The following PTK2 variants were observed in gnomAD, a reference collection of about 807,000 sequenced individuals.
PTK2 encodes focal adhesion kinase 1.
A neutral mutation model predicts 150.1 loss-of-function variants in PTK2; 45 were observed. The observed-to-expected ratio is 0.30, with a 90% CI of 0.24 to 0.38. The LOEUF is 0.38. Among genes scored for constraint, PTK2 ranks in the 10% least tolerant of loss-of-function variants. The probability of loss-of-function intolerance (pLI) is 1.00; values close to 1 mark genes in which losing one functional copy is unlikely to be tolerated. For synonymous variants in PTK2, 432 were observed against 449.2 expected (o/e 0.96, Z 0.48); for missense variants, 919 against 1,307.3 (o/e 0.70, Z 4.58).
intron 31 of PTK2, among the ~76,000 whole-genome samples, chr8:140,660,428 T>A (rs946734783): frequency 2.6e-5 from 4 of 152,074 alleles, no homozygotes; most frequent in African/African-American, 9.7e-5. Context: ...CAAAAAATGG[T>A]TTAAGGATGG....
chr8:140,677,562 T>C (rs894198005), intron 27 of PTK2, among the ~76,000 whole-genome samples: 1 of 152,260 alleles, frequency 6.6e-6, no homozygotes, highest in African/African-American at 2.4e-5. Context: ...AACTGGCTAA[T>C]AGATATAACC....
At chr8:140,829,712 G>GT (rs983274138) in intron 8 of PTK2, among the ~76,000 whole-genome samples, 3 of 152,066 alleles carry the variant, frequency 2.0e-5, no homozygotes, top group African/African-American at 7.2e-5. Context: ...AGGTACTGTG[G>GT]TAAGTAATAT....
At chr8:140,819,116 T>C (rs2100106632) in intron 8 of PTK2, 96 bp from the exon 9 acceptor site, 1 of 1,232,262 alleles carries the variant, frequency 8.1e-7, no homozygotes, top group Non-Finnish European at 1.1e-6. Flanking sequence ...AACTACTTAC[T>C]AACACCTACA....
intron 8 of PTK2, among the ~76,000 whole-genome samples, chr8:140,829,675 C>T (rs2100114133): frequency 6.6e-6 from 1 of 152,062 alleles, no homozygotes; most frequent in Admixed American, 6.6e-5. Flanking sequence ...AAAGTAAGAG[C>T]AGTAACATCC....
intron 1 of PTK2, among the ~76,000 whole-genome samples, chr8:140,989,482 A>G (rs2100194797): frequency 6.6e-6 from 1 of 151,926 alleles, no homozygotes; most frequent in African/African-American, 2.4e-5. Context: ...ATAAACCAAC[A>G]AAGGACTTGG....
At chr8:140,685,620 C>A (rs2100019350) in intron 27 of PTK2, among the ~76,000 whole-genome samples, 1 of 151,946 alleles carries the variant, frequency 6.6e-6, no homozygotes, top group African/African-American at 2.4e-5. Context: ...TAAACATGGC[C>A]AACAAGCATA....
intron 13 of PTK2, among the ~76,000 whole-genome samples, chr8:140,790,829 A>G (rs758274267): frequency 1.3e-4 from 20 of 152,216 alleles, no homozygotes; most frequent in Non-Finnish European, 2.5e-4. Flanking sequence ...ATTTATCACA[A>G]CTTATCTTTG....
intron 14 of PTK2, among the ~76,000 whole-genome samples, chr8:140,780,120 C>T (rs1046330063): frequency 6.6e-6 from 1 of 152,192 alleles, no homozygotes; most frequent in Non-Finnish European, 1.5e-5. Context: ...GAGAAGCCTG[C>T]TCCCGAGGGT....
chr8:140,692,127 TGTG>T lies in PTK2; in HGVS notation c.2500-5436_2500-5434del, dbSNP rs199794201. 9.3e-3 allele frequency among the ~76,000 whole-genome samples: 1,420 copies of T among 152,314 alleles called. 22 individuals carry two copies. The highest frequency in any genetic ancestry group is 0.032 in the African/African-American group (1,346 of 41,562). On this transcript the variant is annotated intron_variant, in intron 26 of 31. Coordinates refer to ENST00000522684, the Ensembl canonical transcript of PTK2. The stretch of plus-strand genomic sequence containing the variant: ...CTTTCTTTAATGCATAATTCCCTAA[TGTG>T]GTATTTTCCTAAAGACAGGATTTTA...
At chr8:140,961,591 G>A (rs1272091044) in intron 1 of PTK2, among the ~76,000 whole-genome samples, 1 of 152,024 alleles carries the variant, frequency 6.6e-6, no homozygotes, top group Non-Finnish European at 1.5e-5. Flanking sequence ...GAACCTGGGA[G>A]GTGGAGGTTG....
intron 1 of PTK2, among the ~76,000 whole-genome samples, chr8:140,992,099 C>CTGGCCA (rs2100195912): frequency 6.6e-6 from 1 of 152,112 alleles, no homozygotes; most frequent in African/African-American, 2.4e-5. Flanking sequence ...TGAGACCAGC[C>CTGGCCA]TGGCCAACAT....
At chr8:140,895,945 A>G (rs574769394) in intron 2 of PTK2, among the ~76,000 whole-genome samples, 1 of 152,290 alleles carries the variant, frequency 6.6e-6, no homozygotes, top group Non-Finnish European at 1.5e-5. Context: ...TTTAAAAAAC[A>G]AAATTGATAC....
intron 2 of PTK2, among the ~76,000 whole-genome samples, chr8:140,910,194 T>C (rs1289557762): frequency 6.6e-6 from 1 of 152,186 alleles, no homozygotes; most frequent in Non-Finnish European, 1.5e-5. Context: ...TCTAACAGTA[T>C]TTTGTTTCTT....
At chr8:140,936,412 G>A (rs2100173641) in intron 1 of PTK2, among the ~76,000 whole-genome samples, 1 of 152,138 alleles carries the variant, frequency 6.6e-6, no homozygotes, top group African/African-American at 2.4e-5. Context: ...AACACAGGAG[G>A]AGGGGCCACT....
chr8:140,915,904 AAAAC>A (rs71309000), intron 2 of PTK2, among the ~76,000 whole-genome samples: 43,573 of 150,684 alleles, frequency 0.29, 6,518 homozygotes, highest in Admixed American at 0.37. Context: ...TCGGTCTCAA[AAAAC>A]AAACAAACAA....
At chr8:140,679,192 T>C (rs2100015704) in intron 27 of PTK2, among the ~76,000 whole-genome samples, 1 of 151,570 alleles carries the variant, frequency 6.6e-6, no homozygotes, top group Non-Finnish European at 1.5e-5. Flanking sequence ...GCCTGGGTAA[T>C]TTTTGTATTT....
chr8:140,745,085 T>C (rs1185799101), intron 18 of PTK2, among the ~76,000 whole-genome samples: 2 of 151,598 alleles, frequency 1.3e-5, no homozygotes, highest in Non-Finnish European at 2.9e-5. Context: ...TAAATAATAA[T>C]AACAACTGGA....
chr8:140,940,153 C>T (rs148998004), intron 1 of PTK2, among the ~76,000 whole-genome samples: 89 of 152,316 alleles, frequency 5.8e-4, no homozygotes, highest in African/African-American at 2.0e-3. Flanking sequence ...GTAATAAATA[C>T]AGACTTTTGC....
chr8:140,679,366 T>C (rs1443258153), intron 27 of PTK2, among the ~76,000 whole-genome samples: 3 of 152,080 alleles, frequency 2.0e-5, no homozygotes, highest in African/African-American at 7.2e-5. Context: ...AAGAACTTTC[T>C]GGTTGATACT....
Sources: allele counts gnomAD v4.1 joint callset (sites outside exome capture counted in the v4.1 genomes callset), GRCh38; gene constraint gnomAD v4.1.1; transcripts MANE v1.5; gene names NCBI Gene and HGNC (gene_info 2026-07-23, HGNC 2026-07-21).